CASP8: variants seen among roughly 807,000 people sequenced by gnomAD.
CASP8 encodes caspase-8.
Under a neutral mutation model 46.3 loss-of-function variants are expected in CASP8, and 24 were observed. The observed-to-expected ratio is 0.52, with a 90% CI of 0.38 to 0.73. The LOEUF (loss-of-function observed/expected upper bound fraction) is 0.73. Ranked by LOEUF, CASP8 falls within the 30% of genes least tolerant of loss-of-function variation. The probability of loss-of-function intolerance (pLI) is 0.00; values close to 1 mark genes in which losing one functional copy is unlikely to be tolerated. For synonymous variants in CASP8, 188 were observed against 200.4 expected, an observed-to-expected ratio of 0.94 and a Z score of 0.52; for missense variants, 460 against 559.0, an observed-to-expected ratio of 0.82 and a Z score of 1.79.
chr2:201,258,207 A>G (rs1199532668), upstream of CASP8: 1 of 1,606,404 alleles, frequency 6.2e-7, no homozygotes, highest in Admixed American at 1.7e-5. Context: ...TGAATTTGCT[A>G]GTCAACTCAA....
intron 1 of CASP8, among the ~76,000 whole-genome samples, chr2:201,264,975 G>A (rs564620682): frequency 2.0e-5 from 3 of 152,304 alleles, no homozygotes; most frequent in Admixed American, 6.5e-5. Context: ...AAACATGATC[G>A]CAGTGGGGTG....
chr2:201,286,484 A>G lies in CASP8; in HGVS notation c.1330A>G (p.Thr444Ala), dbSNP rs1276989337. Residue 444 changes from threonine (T) to alanine (A), a missense_variant, in exon 9 of 9, where the codon ACT becomes GCT. Coordinates refer to ENST00000673742, the MANE Select transcript of CASP8 (RefSeq NM_001372051.1). ...PRGDDILTILTEVNYEVSNKD... is the reference protein window; with the variant it reads ...PRGDDILTILAEVNYEVSNKD... ...AGGCGATGATATTCTCACCATCCTG[A>G]CTGAAGTGAACTATGAAGTAAGCAA... is the stretch of plus-strand genomic sequence containing the variant. The G allele has an allele frequency of 6.2e-7, 1 of 1,612,418 alleles. No homozygotes were observed. Among genetic ancestry groups the G allele is most frequent in the African/African-American group, 1.3e-5 (1 of 74,884 alleles).
At chr2:201,248,050 G>A (rs1390408651) in intron 2 of CASP8, among the ~76,000 whole-genome samples, 1 of 152,168 alleles carries the variant, frequency 6.6e-6, no homozygotes, top group African/African-American at 2.4e-5. Context: ...AAATTGGTAG[G>A]ATTACAGGTG....
In CASP8 at chr2:201,266,784, G is replaced by T; in HGVS notation, c.298G>T (p.Ala100Ser). 1 of 1,611,664 alleles carries T rather than the reference G, an allele frequency of 6.2e-7. No homozygotes were observed. Among genetic ancestry groups the T allele is most frequent in the Non-Finnish European group, 8.5e-7 (1 of 1,178,362 alleles). ...LQTPGRAQIS[A>S]YRVMLYQISE... ...GACACCAGGCAGGGCTCAAATTTCT[G>T]CCTACAGGTGGGTGGAAACTCCCAT... Residue 100 changes from alanine (A) to serine (S), a missense_variant, in exon 2 of 9, where the codon GCC (alanine) becomes TCC (serine). Ala to Ser is a moderately conservative substitution (Grantham distance 99). Coordinates refer to ENST00000673742, the MANE Select transcript of CASP8 (RefSeq NM_001372051.1). This position sits in a 1 kb window ranked among gnomAD's most constrained non-coding sequence, Gnocchi z 5.7.
At chr2:201,246,803 GTTC>G (rs1946541217) in intron 2 of CASP8, among the ~76,000 whole-genome samples, 1 of 152,172 alleles carries the variant, frequency 6.6e-6, no homozygotes, top group Non-Finnish European at 1.5e-5. Context: ...AACGCAAAAT[GTTC>G]TTCATTTGAC....
At chr2:201,264,489 C>T (rs1362984452) in intron 1 of CASP8, among the ~76,000 whole-genome samples, 2 of 151,816 alleles carry the variant, frequency 1.3e-5, no homozygotes, top group Non-Finnish European at 1.5e-5. Context: ...TCCTGGGCCA[C>T]GTTGGTTTAT....
At chr2:201,255,631 G>A (rs1576255324), upstream of CASP8, among the ~76,000 whole-genome samples, 1 of 152,324 alleles carries the variant, frequency 6.6e-6, no homozygotes, top group East Asian at 1.9e-4. Flanking sequence ...TCATGCACTG[G>A]CCCTGCCATT....
At chr2:201,274,575 A>G (rs1442826846) in intron 5 of CASP8, among the ~76,000 whole-genome samples, 1 of 152,178 alleles carries the variant, frequency 6.6e-6, no homozygotes, top group African/African-American at 2.4e-5. Flanking sequence ...CCCAAGTTCA[A>G]GTGATTCTCC....
In CASP8 at chr2:201,286,978, TATTA is replaced by T. The variant is rs963773345; in HGVS notation, c.*388_*391del. 6.2e-5 allele frequency: 14 copies of T among 226,286 alleles called. No homozygotes were observed. Among genetic ancestry groups the T allele is most frequent in the African/African-American group, 2.5e-4 (11 of 43,576 alleles). The allele number at this position is 226,286 out of a possible 1,614,324, so 14.0% of individuals were successfully genotyped here. ...TACTAATTTTCTAGATTTTCTACTT[TATTA>T]ATTGTTTTGCACTTTTTTATAAGAG... On this transcript the variant is annotated 3_prime_UTR_variant, in exon 9 of 9. Transcript: ENST00000673742.
intron 2 of CASP8, among the ~76,000 whole-genome samples, chr2:201,270,538 G>A (rs1948170842): frequency 6.6e-6 from 1 of 152,182 alleles, no homozygotes; most frequent in South Asian, 2.1e-4. Context: ...TAGGGGACTT[G>A]AACAGTTTCT....
At chr2:201,267,718 C>T (rs34380844) in intron 2 of CASP8, among the ~76,000 whole-genome samples, 4 of 152,198 alleles carry the variant, frequency 2.6e-5, no homozygotes, top group Non-Finnish European at 4.4e-5. Context: ...GCAATTTTAG[C>T]TTTGCTTTCA....
At chr2:201,237,439 A>G (rs1206721410) in intron 2 of CASP8, among the ~76,000 whole-genome samples, 6 of 125,884 alleles carry the variant, frequency 4.8e-5, no homozygotes. Flanking sequence ...TCTTCAGAGT[A>G]AAAAAAAAAA....
Position 201,286,634 on chromosome 2 carries a change from G to C in CASP8, c.*40G>C. The C allele has an allele frequency of 1.9e-6, 3 of 1,575,416 alleles. No individual in the cohort carries two copies. In the South Asian group the frequency reaches 3.4e-5, roughly 18 times the overall value. On this transcript the variant is annotated 3_prime_UTR_variant, in exon 9 of 9. Coordinates refer to ENST00000673742, the MANE Select transcript of CASP8 (RefSeq NM_001372051.1). ...TTGTTTTGTTTTGTTTTGTTTTTTT[G>C]AGACAGAATCTCGCTCTGTCGCCCA...
chr2:201,261,449 T>C (rs1947401280), intron 1 of CASP8, among the ~76,000 whole-genome samples: 1 of 149,548 alleles, frequency 6.7e-6, no homozygotes, highest in Admixed American at 6.6e-5. Flanking sequence ...AACAATATAA[T>C]GGGAAGACTA....
intron 2 of CASP8, among the ~76,000 whole-genome samples, chr2:201,251,958 A>G (rs183635438): frequency 2.6e-3 from 399 of 151,882 alleles, no homozygotes; most frequent in Non-Finnish European, 4.1e-3. Flanking sequence ...AAGTGTCCGT[A>G]TGAGTTTTCA....
intron 7 of CASP8, among the ~76,000 whole-genome samples, chr2:201,278,563 G>A (rs1270204567): frequency 6.7e-6 from 1 of 149,556 alleles, no homozygotes; most frequent in African/African-American, 2.5e-5. Flanking sequence ...TTGAGGCAGA[G>A]TCTCACTCTG....
rs1365374040 is a variant in CASP8 at position 201,276,893 on chromosome 2, A to G, written c.727A>G (p.Asn243Asp). 1 of 1,614,028 alleles carries G rather than the reference A, an allele frequency of 6.2e-7. No homozygotes were observed. The highest frequency in any genetic ancestry group is 8.5e-7 in the Non-Finnish European group (1 of 1,179,972). Residue 243 changes from asparagine (N) to aspartate (D), a missense_variant, in exon 7 of 9, where the codon AAT becomes GAT. Coordinates refer to ENST00000673742, the MANE Select transcript of CASP8 (RefSeq NM_001372051.1). ...ATACTGTCTGATCATCAACAATCAC[A>G]ATTTTGCAAAAGCACGGGAGAAAGT... ...RGYCLIINNH[N>D]FAKAREKVPK...
At chr2:201,255,767 T>C (rs1245530616), upstream of CASP8, among the ~76,000 whole-genome samples, 2 of 152,194 alleles carry the variant, frequency 1.3e-5, no homozygotes, top group African/African-American at 4.8e-5. Flanking sequence ...TGTTTATTTA[T>C]TTATTTAGAC....
intron 7 of CASP8, among the ~76,000 whole-genome samples, chr2:201,283,329 C>T (rs1949266051): frequency 1.3e-5 from 1 of 77,798 alleles, no homozygotes; most frequent in African/African-American, 4.6e-5. Flanking sequence ...TCCTCACTTC[C>T]CAGTAGGGGC....
Sources: gnomAD v4.1 joint callset for allele counts (sites outside exome capture counted in the v4.1 genomes callset) on GRCh38, gnomAD v4.1.1 for gene constraint, Gnocchi (gnomAD v3.1) non-coding constraint, MANE v1.5 for transcripts, NCBI Gene and HGNC (gene_info 2026-07-23, HGNC 2026-07-21) for gene names.